The following CATSPER3 variants were observed in gnomAD, a reference collection of about 807,000 sequenced individuals.
The protein encoded by CATSPER3 is cation channel sperm associated 3, also known as cation channel sperm-associated protein 3.
A neutral mutation model predicts 36.6 loss-of-function variants in CATSPER3; 23 were observed. The observed-to-expected ratio is 0.63, with a 90% confidence interval of 0.45 to 0.89. CATSPER3 has a LOEUF of 0.89. Among genes scored for constraint, CATSPER3 ranks in the 40% least tolerant of loss-of-function variants. CATSPER3 has a pLI of 0.00. For missense variants in CATSPER3, 474 were observed against 503.9 expected (o/e 0.94, Z 0.57); for synonymous variants, 172 against 184.1 (o/e 0.93, Z 0.53).
chr5:134,968,159 G>T (rs369484335), intron 1 of CATSPER3, 70 bp downstream of exon 1: 2 of 1,072,710 alleles, frequency 1.9e-6, no homozygotes. Flanking sequence ...GGGTGTCAGT[G>T]TTCTCTCAGC....
chr5:134,970,108 G>A lies in CATSPER3; in HGVS notation c.252+16G>A, dbSNP rs1300462847. 4 of 1,612,078 alleles carry A rather than the reference G, an allele frequency of 2.5e-6. No homozygotes were observed. Among genetic ancestry groups the A allele is most frequent in the Non-Finnish European group, 3.4e-6 (4 of 1,178,450 alleles). ...ACTTCTTGAGGTAAGCAGACAAAAT[G>A]GGTCCATTTTCTTCTTTTTTTAAAA... On this transcript the variant is annotated intron_variant, in intron 2 of 7. Coordinates refer to ENST00000282611, the MANE Select transcript of CATSPER3 (RefSeq NM_178019.3).
chr5:135,009,260 A>G (rs1752145802), intron 5 of CATSPER3, 111 bp from the exon 6 acceptor site: 1 of 1,199,562 alleles, frequency 8.3e-7, no homozygotes, highest in Non-Finnish European at 1.2e-6. Context: ...GTGTGGGGAA[A>G]AGTGCTCCTG....
At chr5:134,978,849 A>C (rs1751714147) in intron 2 of CATSPER3, among the ~76,000 whole-genome samples, 1 of 151,648 alleles carries the variant, frequency 6.6e-6, no homozygotes, top group Non-Finnish European at 1.5e-5. Flanking sequence ...CCTCCTGAGT[A>C]GCTGGGACTA....
chr5:134,990,220 G>A (rs1172358912), intron 2 of CATSPER3, among the ~76,000 whole-genome samples: 2 of 152,154 alleles, frequency 1.3e-5, no homozygotes, highest in African/African-American at 2.4e-5. Flanking sequence ...AGGTCCTGAC[G>A]ACTTGTGCCC....
At chr5:134,990,492 C>T (rs1362779044) in intron 2 of CATSPER3, among the ~76,000 whole-genome samples, 1 of 152,154 alleles carries the variant, frequency 6.6e-6, no homozygotes, top group East Asian at 1.9e-4. Flanking sequence ...TAGGTTTGCC[C>T]TAAGCAGTTC....
chr5:134,968,734 A>G (rs1751564890), intron 1 of CATSPER3: 1 of 152,010 alleles, frequency 6.6e-6, no homozygotes, highest in Non-Finnish European at 1.5e-5. Context: ...TATATATTCT[A>G]TATTTTTTTA....
intron 2 of CATSPER3, among the ~76,000 whole-genome samples, chr5:134,994,540 T>G (rs1338168455): frequency 6.6e-6 from 1 of 152,226 alleles, no homozygotes; most frequent in Non-Finnish European, 1.5e-5. Flanking sequence ...ACGCAGTAAT[T>G]CCACTCCTAG....
intron 3 of CATSPER3, among the ~76,000 whole-genome samples, chr5:135,004,150 T>G (rs1752056103): frequency 6.6e-6 from 1 of 152,234 alleles, no homozygotes; most frequent in African/African-American, 2.4e-5. Flanking sequence ...AGTTGCCAAG[T>G]CATAAATTTG....
chr5:134,989,337 C>CA, intron 2 of CATSPER3, among the ~76,000 whole-genome samples: 1 of 152,284 alleles, frequency 6.6e-6, no homozygotes, highest in East Asian at 1.9e-4. Context: ...GTTTTGAAGC[C>CA]AGGCCTTACT....
intron 2 of CATSPER3, among the ~76,000 whole-genome samples, chr5:134,979,376 A>G (rs1751721199): frequency 6.6e-6 from 1 of 151,994 alleles, no homozygotes; most frequent in Non-Finnish European, 1.5e-5. Context: ...GGCTCAAGTG[A>G]TCCACTCACC....
intron 4 of CATSPER3, 120 bp from the exon 5 acceptor site, chr5:135,008,721 A>G: frequency 1.2e-6 from 1 of 806,264 alleles, no homozygotes; most frequent in Admixed American, 1.9e-5. Flanking sequence ...TGTTGAGGGG[A>G]TGACGTGGAA....
chr5:135,010,367 C>T lies in CATSPER3; in HGVS notation c.937-6C>T. The T allele has an allele frequency of 1.9e-6, 3 of 1,613,734 alleles. No homozygotes were observed. Among genetic ancestry groups the T allele is most frequent in the Non-Finnish European group, 8.5e-7 (1 of 1,179,620 alleles). Reference sequence around the variant, plus strand: ...CACTGCTCTCTCGTTATGCTTTCCTCTCTAGAAAAATGCTGACTGCACAAG... The same window carrying T: ...CACTGCTCTCTCGTTATGCTTTCCTTTCTAGAAAAATGCTGACTGCACAAG... On this transcript the variant is annotated splice_region_variant and splice_polypyrimidine_tract_variant and intron_variant, in intron 6 of 7. Coordinates refer to ENST00000282611, the MANE Select transcript of CATSPER3 (RefSeq NM_178019.3).
At chr5:134,992,892 C>T (rs1212928854) in intron 2 of CATSPER3, among the ~76,000 whole-genome samples, 24 of 152,120 alleles carry the variant, frequency 1.6e-4, no homozygotes, top group Non-Finnish European at 1.5e-5. Flanking sequence ...CTGGCAATTC[C>T]ACTTCTGGGT....
At chr5:134,988,813 GTCCTGAATGT>G (rs1471776653) in intron 2 of CATSPER3, among the ~76,000 whole-genome samples, 1 of 151,944 alleles carries the variant, frequency 6.6e-6, no homozygotes, top group Non-Finnish European at 1.5e-5. Context: ...CTTCCTGTGA[GTCCTGAATGT>G]TCTTAATGGC....
intron 2 of CATSPER3, among the ~76,000 whole-genome samples, chr5:134,989,157 G>A (rs192720662): frequency 1.8e-4 from 27 of 152,262 alleles, no homozygotes; most frequent in Admixed American, 3.9e-4. Flanking sequence ...GCTGTAAACC[G>A]ATATGCTGTC....
chr5:135,004,039 G>A (rs910408794), intron 3 of CATSPER3, among the ~76,000 whole-genome samples: 5 of 152,200 alleles, frequency 3.3e-5, no homozygotes, highest in Admixed American at 1.3e-4. Context: ...CATCTTCTGC[G>A]TCACTCACAC....
chr5:135,009,486 T>C lies in CATSPER3; in HGVS notation c.932T>C (p.Ile311Thr). The C allele has an allele frequency of 1.4e-6, 2 of 1,458,802 alleles. No homozygotes were observed. Among genetic ancestry groups the C allele is most frequent in the Non-Finnish European group, 1.8e-6 (2 of 1,102,132 alleles). The allele number at this position is 1,458,802 out of a possible 1,614,324, so 90.4% of individuals were successfully genotyped here. The change falls in exon 6 of 8, where the codon ATA becomes ACA. Residue 311 changes from isoleucine (I) to threonine (T), a missense_variant. Ile to Thr is a moderately conservative substitution (Grantham distance 89). Transcript: ENST00000282611. ...GAGGAGATCAGCAGGCTGATGCACA[T>C]ACAGGTGAGTGGCCCCTGCAGGCAG... ...QQEEISRLMH[I>T]QKNADCTSFS... is the part of the protein sequence containing the mutation.
chr5:134,972,109 C>T (rs1751614421), intron 2 of CATSPER3, among the ~76,000 whole-genome samples: 1 of 152,166 alleles, frequency 6.6e-6, no homozygotes, highest in African/African-American at 2.4e-5. Context: ...ACAGGCTGAG[C>T]ATCCCGAATT....
intron 6 of CATSPER3, 102 bp from the exon 7 acceptor site, chr5:135,010,271 T>G (rs1208781560): frequency 1.7e-5 from 17 of 1,024,762 alleles, no homozygotes; most frequent in Non-Finnish European, 2.6e-5. Context: ...AGGACCAGGG[T>G]CAGGCCGCTG....
Sources: allele counts gnomAD v4.1 joint callset (sites outside exome capture counted in the v4.1 genomes callset), GRCh38; gene constraint gnomAD v4.1.1; transcripts MANE v1.5; gene names NCBI Gene and HGNC (gene_info 2026-07-23, HGNC 2026-07-21).